LRCH1: variants seen among roughly 807,000 people sequenced by gnomAD.
LRCH1 encodes leucine-rich repeat and calponin homology domain-containing protein 1.
A neutral mutation model predicts 94.9 loss-of-function variants in LRCH1; 23 were observed. That is an observed-to-expected ratio of 0.24 (90% CI 0.17 to 0.34). The LOEUF (loss-of-function observed/expected upper bound fraction) is 0.34, where lower values mean the gene tolerates loss of function less well. Among genes scored for constraint, LRCH1 ranks in the 10% least tolerant of loss-of-function variants. The pLI, the probability that LRCH1 is intolerant of heterozygous loss-of-function variation, is 1.00. For missense variants in LRCH1, 790 were observed against 945.9 expected, an observed-to-expected ratio of 0.84 and a Z score of 2.16; for synonymous variants, 364 against 354.9, an observed-to-expected ratio of 1.03 and a Z score of -0.29.
At chr13:46,630,679 A>G (rs1238387029) in intron 1 of LRCH1, among the ~76,000 whole-genome samples, 2 of 152,238 alleles carry the variant, frequency 1.3e-5, no homozygotes, top group African/African-American at 4.8e-5. Context: ...AATGTAAATT[A>G]TACTGAGCCT....
intron 1 of LRCH1, among the ~76,000 whole-genome samples, chr13:46,601,749 T>C (rs1254221735): frequency 6.6e-6 from 1 of 152,222 alleles, no homozygotes; most frequent in Non-Finnish European, 1.5e-5. Flanking sequence ...TACCCAGTCA[T>C]GATCACGTAG....
At chr13:46,727,465 G>A (rs966036064) in intron 17 of LRCH1, among the ~76,000 whole-genome samples, 3 of 152,216 alleles carry the variant, frequency 2.0e-5, no homozygotes, top group African/African-American at 7.2e-5. Context: ...CAAGGCAGAA[G>A]AGGAACTTGG....
rs376119716 is a variant in LRCH1 at position 46,723,345 on chromosome 13, T to C, written c.1869+15T>C. 4 of 1,501,266 alleles carry C rather than the reference T, an allele frequency of 2.7e-6. No individual in the cohort carries two copies. In the African/African-American group the frequency reaches 4.2e-5, roughly 16 times the overall value. 93.0% of individuals were successfully genotyped at this position (1,501,266 alleles called of 1,614,324 possible). A position where few individuals can be genotyped will look rare whatever the true frequency, so the allele number is the denominator to read the frequency against. On this transcript the variant is annotated intron_variant, in intron 17 of 19. Transcript: ENST00000389797. ...AACTTCGTGAGGTACCCAAGAAATA[T>C]TATGTAACTAAAGGAGAATTTAAGC...
intron 1 of LRCH1, among the ~76,000 whole-genome samples, chr13:46,611,238 C>T (rs551873634): frequency 6.6e-6 from 1 of 152,268 alleles, no homozygotes; most frequent in South Asian, 2.1e-4. Flanking sequence ...TCGGTTTATG[C>T]TAGTGAGGGT....
At chr13:46,735,320 G>A (rs997272997) in intron 19 of LRCH1, among the ~76,000 whole-genome samples, 13 of 152,054 alleles carry the variant, frequency 8.5e-5, no homozygotes, top group African/African-American at 2.4e-4. Context: ...TTCTGTCATG[G>A]GCTAGTAAGA....
chr13:46,586,986 G>A (rs537470102), intron 1 of LRCH1, among the ~76,000 whole-genome samples: 191 of 152,316 alleles, frequency 1.3e-3, no homozygotes, highest in African/African-American at 4.4e-3. Context: ...GGAGTTGGCC[G>A]TTAAATGACC....
chr13:46,752,896 G>C (rs1428966988), exon 19 of LRCH1: 1 of 152,028 alleles, frequency 6.6e-6, no homozygotes, highest in East Asian at 1.9e-4. Context: ...CTATGGCTAA[G>C]ACGTCTTCAA....
intron 1 of LRCH1, among the ~76,000 whole-genome samples, chr13:46,625,539 C>T (rs1183992591): frequency 6.6e-6 from 1 of 151,870 alleles, no homozygotes; most frequent in Non-Finnish European, 1.5e-5. Flanking sequence ...AAGTGGGGTC[C>T]TCACCAGACA....
At chr13:46,722,433 T>C (rs1872622046) in intron 16 of LRCH1, among the ~76,000 whole-genome samples, 1 of 152,248 alleles carries the variant, frequency 6.6e-6, no homozygotes, top group African/African-American at 2.4e-5. Context: ...AAACTCTTGC[T>C]GTAGTCATTC....
At chr13:46,677,772 A>C (rs1490178396) in intron 3 of LRCH1, among the ~76,000 whole-genome samples, 1 of 152,210 alleles carries the variant, frequency 6.6e-6, no homozygotes, top group Non-Finnish European at 1.5e-5. Flanking sequence ...TAAATGACAA[A>C]GTTGGACTGA....
chr13:46,668,493 G>A (rs887150786), intron 2 of LRCH1, among the ~76,000 whole-genome samples: 1 of 152,214 alleles, frequency 6.6e-6, no homozygotes, highest in Non-Finnish European at 1.5e-5. Context: ...GAGTCAAAAT[G>A]TTGGAAATGA....
intron 3 of LRCH1, among the ~76,000 whole-genome samples, chr13:46,676,619 A>T (rs1248663328): frequency 6.6e-6 from 1 of 152,138 alleles, no homozygotes; most frequent in Non-Finnish European, 1.5e-5. Flanking sequence ...AAAGAGCTAG[A>T]TTCTTACAAA....
At chr13:46,570,686 C>T (rs2050231824) in intron 1 of LRCH1, among the ~76,000 whole-genome samples, 1 of 152,214 alleles carries the variant, frequency 6.6e-6, no homozygotes, top group South Asian at 2.1e-4. Flanking sequence ...GAGCATATCA[C>T]ACATATTCCG....
intron 1 of LRCH1, among the ~76,000 whole-genome samples, chr13:46,577,518 T>C (rs7339324): frequency 0.016 from 2,392 of 152,342 alleles, 59 homozygotes; most frequent in African/African-American, 0.055. Flanking sequence ...TGGAATGATA[T>C]CCCATCATAT....
In LRCH1 at chr13:46,699,367, G is replaced by A. The variant is rs776940514; in HGVS notation, c.1277G>A (p.Arg426Gln). ...ARAEDCEELL[R>Q]IEEDVHWQTE... ...GCAGAAGACTGTGAAGAGCTGTTAC[G>A]GATAGAAGAGGATGTGCACTGGCAA... Residue 426 changes from arginine to glutamine, a missense_variant, in exon 10 of 20, where the codon CGG (arginine) becomes CAG (glutamine). By Grantham distance (43) the Arg-to-Gln change is conservative (BLOSUM62 1). This residue lies in a region of LRCH1 where 460 missense variants were observed against 508.9 expected (regional missense o/e 0.90). Coordinates refer to ENST00000389797, the MANE Select transcript of LRCH1 (RefSeq NM_001164211.2). The A allele has an allele frequency of 9.9e-6, 16 of 1,613,972 alleles. No homozygotes were observed. The highest frequency in any genetic ancestry group is 4.0e-5 in the African/African-American group (3 of 74,916).
intron 17 of LRCH1, among the ~76,000 whole-genome samples, chr13:46,725,392 G>T (rs902273266): frequency 1.3e-5 from 2 of 152,194 alleles, no homozygotes; most frequent in Non-Finnish European, 2.9e-5. Flanking sequence ...GGAGGAGATA[G>T]ATTCGATGTT....
At chr13:46,737,800 T>C (rs1873458434) in intron 19 of LRCH1, among the ~76,000 whole-genome samples, 1 of 152,228 alleles carries the variant, frequency 6.6e-6, no homozygotes. Context: ...TACATGTTCC[T>C]GGTAGGTACA....
intron 1 of LRCH1, among the ~76,000 whole-genome samples, chr13:46,602,981 T>TACATACAC (rs2137986318): frequency 6.6e-6 from 1 of 151,016 alleles, no homozygotes; most frequent in Non-Finnish European, 1.5e-5. Context: ...CATGCATGCA[T>TACATACAC]ACATACATAC....
chr13:46,610,886 A>G (rs984357509), intron 1 of LRCH1, among the ~76,000 whole-genome samples: 1 of 152,220 alleles, frequency 6.6e-6, no homozygotes, highest in African/African-American at 2.4e-5. Context: ...AGCAGCATTT[A>G]TAAGAGTGAC....
Sources: allele counts gnomAD v4.1 joint callset (sites outside exome capture counted in the v4.1 genomes callset), GRCh38; gene constraint gnomAD v4.1.1; regional missense constraint gnomAD v4.1.1; transcripts MANE v1.5; gene names NCBI Gene and HGNC (gene_info 2026-07-23, HGNC 2026-07-21).